The following CLPB variants were observed in gnomAD, a reference collection of about 807,000 sequenced individuals.
CLPB encodes mitochondrial disaggregase.
In CLPB, 40 loss-of-function variants were observed where a neutral mutation model predicts 78.4. The observed-to-expected ratio is 0.51, with a 90% CI of 0.40 to 0.66. The LOEUF (loss-of-function observed/expected upper bound fraction) is 0.66. CLPB is among the 30% of genes least tolerant of loss of function. CLPB has a pLI of 0.00. For synonymous variants in CLPB, 333 were observed against 348.0 expected (o/e 0.96, Z 0.48); for missense variants, 780 against 886.9 (o/e 0.88, Z 1.53).
intron 3 of CLPB, among the ~76,000 whole-genome samples, chr11:72,385,738 G>A (rs1159126812): frequency 6.6e-6 from 1 of 152,170 alleles, no homozygotes; most frequent in African/African-American, 2.4e-5. Flanking sequence ...CAGGAGAATC[G>A]CTTGAATCCG....
At chr11:72,313,838 T>C (rs1949890532) in intron 7 of CLPB, among the ~76,000 whole-genome samples, 1 of 152,204 alleles carries the variant, frequency 6.6e-6, no homozygotes, top group Admixed American at 6.5e-5. Context: ...TTGCTTTAAA[T>C]GTATAGTAAA....
intron 5 of CLPB, 120 bp downstream of exon 5, chr11:72,358,760 T>C: frequency 2.5e-6 from 2 of 811,988 alleles, no homozygotes; most frequent in East Asian, 2.7e-5. Flanking sequence ...ATTTCCAGAA[T>C]AGTGAGGCTG....
Position 72,294,615 on chromosome 11 carries a change from C to G in CLPB, c.1560+5G>C, listed in dbSNP as rs753982120. 1.2e-6 allele frequency: 2 copies of G among 1,613,938 alleles called. No homozygotes were observed. The highest frequency in any genetic ancestry group is 8.5e-7 in the Non-Finnish European group (1 of 1,179,766). ...CAGCAGGAAGTGCCAAGAAAGACCT[C>G]TTACTTTCAGGATAGGGCGAATCAC... On this transcript the variant is annotated splice_donor_5th_base_variant and intron_variant, in intron 13 of 15. Transcript: ENST00000538039.
intron 7 of CLPB, among the ~76,000 whole-genome samples, chr11:72,313,659 G>A (rs1397891987): frequency 6.6e-6 from 1 of 152,194 alleles, no homozygotes; most frequent in African/African-American, 2.4e-5. Flanking sequence ...AGGGCAACCT[G>A]CAGAAGGCCT....
intron 11 of CLPB, among the ~76,000 whole-genome samples, chr11:72,298,457 C>T (rs1026795411): frequency 6.6e-6 from 1 of 152,214 alleles, no homozygotes; most frequent in Non-Finnish European, 1.5e-5. Flanking sequence ...CTACCCCACA[C>T]AGCGCCTCAT....
intron 11 of CLPB, among the ~76,000 whole-genome samples, chr11:72,300,614 TAGG>T (rs1949638829): frequency 2.6e-5 from 4 of 152,164 alleles, no homozygotes; most frequent in Admixed American, 2.6e-4. Context: ...GAGCAGCTGG[TAGG>T]AGATCTGGAT....
intron 3 of CLPB, among the ~76,000 whole-genome samples, chr11:72,383,094 C>T (rs1203652911): frequency 6.6e-6 from 1 of 151,194 alleles, no homozygotes; most frequent in Non-Finnish European, 1.5e-5. Context: ...AGAGCATCAA[C>T]AGCAGAACTG....
At chr11:72,407,940 C>T (rs1040280561) in intron 2 of CLPB, among the ~76,000 whole-genome samples, 1 of 152,188 alleles carries the variant, frequency 6.6e-6, no homozygotes. Flanking sequence ...AGCCACCGCG[C>T]CCAGCCTCTG....
intron 5 of CLPB, chr11:72,354,275 GTGTATA>G: frequency 7.8e-6 from 3 of 383,082 alleles, no homozygotes; most frequent in Non-Finnish European, 1.4e-5. Context: ...ATGTGTGTGT[GTGTATA>G]TATATATATA....
At chr11:72,336,321 C>T (rs1166587313) in intron 5 of CLPB, among the ~76,000 whole-genome samples, 1 of 152,154 alleles carries the variant, frequency 6.6e-6, no homozygotes, top group Non-Finnish European at 1.5e-5. Context: ...CCCCTCCCCA[C>T]CCCCGGTTCT....
At chr11:72,417,793 G>C (rs1856067991) in intron 2 of CLPB, among the ~76,000 whole-genome samples, 1 of 152,132 alleles carries the variant, frequency 6.6e-6, no homozygotes, top group Non-Finnish European at 1.5e-5. Context: ...CTGAGATCCT[G>C]TGTGACCCAT....
At position 72,414,665 on chromosome 11, in the gene CLPB, A is replaced by C. The variant is rs1855969049; in HGVS notation, c.456-11613T>G. Among the ~76,000 whole-genome samples, 4 of 152,216 alleles carry C rather than the reference A, an allele frequency of 2.6e-5. No homozygotes were observed. The South Asian group carries it at 8.3e-4, about 32-fold the overall frequency. On this transcript the variant is annotated intron_variant, in intron 2 of 15. Coordinates refer to ENST00000538039, the MANE Select transcript of CLPB (RefSeq NM_001258392.3). ...CAATCAGACATGAATCTTGCCTACA[A>C]GGAGCTCTTATTCTGAGCTGGAGGA... is the stretch of plus-strand genomic sequence containing the variant.
intron 2 of CLPB, among the ~76,000 whole-genome samples, chr11:72,426,448 G>A (rs374883633): frequency 6.6e-6 from 1 of 151,696 alleles, no homozygotes; most frequent in Non-Finnish European, 1.5e-5. Flanking sequence ...TCACACTGCT[G>A]ACAGGTAGGA....
rs1949428273 is a variant in CLPB at position 72,289,606 on chromosome 11, T to C, written c.*3761A>G. ...AAAAATATGAAACGGAGTCTTGCTC[T>C]GTCACTCAGGCTGCAGTGCAGTGGT... On this transcript the variant is annotated 3_prime_UTR_variant, in exon 16 of 16. Coordinates refer to ENST00000538039, the MANE Select transcript of CLPB (RefSeq NM_001258392.3). 1 of 152,228 alleles carries C rather than the reference T, an allele frequency of 6.6e-6. No homozygotes were observed. Among genetic ancestry groups the C allele is most frequent in the African/African-American group, 2.4e-5 (1 of 41,458 alleles). The allele number at this position is 152,228 out of a possible 1,614,324, so 9.4% of individuals were successfully genotyped here. A position where few individuals can be genotyped will look rare whatever the true frequency, so the allele number is the denominator to read the frequency against.
chr11:72,356,204 G>A (rs1294926608), intron 5 of CLPB, among the ~76,000 whole-genome samples: 2 of 151,526 alleles, frequency 1.3e-5, no homozygotes, highest in Admixed American at 6.6e-5. Context: ...AGAATCGCTT[G>A]AAGGCGGAGG....
Position 72,289,394 on chromosome 11 carries a change from A to G in CLPB, c.*3973T>C, listed in dbSNP as rs1175988473. 6.6e-6 allele frequency: 1 copy of G among 152,164 alleles called. No homozygotes were observed. The highest frequency in any genetic ancestry group is 1.5e-5 in the Non-Finnish European group (1 of 68,030). The allele number at this position is 152,164 out of a possible 1,614,324, so 9.4% of individuals were successfully genotyped here. A position where few individuals can be genotyped will look rare whatever the true frequency, so the allele number is the denominator to read the frequency against. Reference sequence around the variant, plus strand: ...TCTATCTAGTAGGAATACTGCACACAGGCTGGTTACTAGCTGACTTAACTA... The same window carrying G: ...TCTATCTAGTAGGAATACTGCACACGGGCTGGTTACTAGCTGACTTAACTA... On this transcript the variant is annotated 3_prime_UTR_variant, in exon 16 of 16. Transcript: ENST00000538039.
chr11:72,366,562 G>GC (rs1200914674), intron 4 of CLPB, among the ~76,000 whole-genome samples: 1 of 151,846 alleles, frequency 6.6e-6, no homozygotes, highest in Non-Finnish European at 1.5e-5. Context: ...ACTCAACAAA[G>GC]CAAAAAACAA....
chr11:72,339,939 G>A (rs570319712), intron 5 of CLPB, among the ~76,000 whole-genome samples: 1 of 152,222 alleles, frequency 6.6e-6, no homozygotes, highest in Non-Finnish European at 1.5e-5. Flanking sequence ...AGTGTACAGT[G>A]AAACAGAATT....
chr11:72,310,792 G>A (rs773910930), intron 7 of CLPB, among the ~76,000 whole-genome samples: 3 of 152,146 alleles, frequency 2.0e-5, no homozygotes, highest in Non-Finnish European at 4.4e-5. Context: ...TCATGTACCT[G>A]GGGTTCTGAT....
Sources: allele counts gnomAD v4.1 joint callset (sites outside exome capture counted in the v4.1 genomes callset), GRCh38; gene constraint gnomAD v4.1.1; transcripts MANE v1.5; gene names NCBI Gene and HGNC (gene_info 2026-07-23, HGNC 2026-07-21).